PCBP3: variants seen among roughly 807,000 people sequenced by gnomAD.
The protein encoded by PCBP3 is poly(rC) binding protein 3, also known as poly(rC)-binding protein 3.
Under a neutral mutation model 52.7 loss-of-function variants are expected in PCBP3, and 25 were observed. That is an observed-to-expected ratio of 0.47 (90% CI 0.35 to 0.66). PCBP3 has a LOEUF of 0.66. PCBP3 is among the 30% of genes least tolerant of loss of function. PCBP3 has a pLI of 0.01. For missense variants in PCBP3, 391 were observed against 490.3 expected (o/e 0.80, Z 1.91); for synonymous variants, 162 against 183.0 (o/e 0.89, Z 0.93).
rs1265143139 is a variant in PCBP3, at chr21:45,669,799, GTGTGTGTATATATATATATATA to G, written c.-200+849_-200+870del. 5.1e-4 allele frequency among the ~76,000 whole-genome samples: 45 copies of G among 88,214 alleles called. 1 individual carries two copies. Among genetic ancestry groups the G allele is most frequent in the East Asian group, 2.4e-3 (7 of 2,892 alleles). 57.9% of individuals were successfully genotyped at this position (88,214 alleles called of 152,430 possible). ...GAATAATATTCCATTGTGTGTGTGTGTGTGTGTATATATATATATATATATATATATATATATATATATATAT... is the reference window on the plus strand; with the variant it reads ...GAATAATATTCCATTGTGTGTGTGTGTATATATATATATATATATATATAT... On this transcript the variant is annotated intron_variant, in intron 2 of 17. Transcript: ENST00000681687.
intron 4 of PCBP3, chr21:45,762,888 T>G (rs1487089352): frequency 6.6e-6 from 1 of 152,246 alleles, no homozygotes; most frequent in East Asian, 1.9e-4. Context: ...GTTCGCCTTG[T>G]AGGTAAGGCC....
At chr21:45,851,351 A>G (rs1487048026) in intron 5 of PCBP3, among the ~76,000 whole-genome samples, 1 of 152,178 alleles carries the variant, frequency 6.6e-6, no homozygotes, top group East Asian at 1.9e-4. Context: ...TGTCTCTACT[A>G]AAATACAAAA....
chr21:45,911,892 T>A (rs1369392657), intron 11 of PCBP3, among the ~76,000 whole-genome samples: 3 of 152,262 alleles, frequency 2.0e-5, no homozygotes, highest in African/African-American at 7.2e-5. Context: ...ATTCTTGTTC[T>A]GAAATCTTCC....
intron 4 of PCBP3, among the ~76,000 whole-genome samples, chr21:45,843,414 C>G (rs551647850): frequency 6.6e-6 from 1 of 152,322 alleles, no homozygotes; most frequent in East Asian, 1.9e-4. Context: ...TGCTTAACTT[C>G]TGAACTTTTC....
intron 2 of PCBP3, among the ~76,000 whole-genome samples, chr21:45,680,726 G>C (rs966779059): frequency 1.3e-5 from 2 of 152,068 alleles, no homozygotes; most frequent in African/African-American, 2.4e-5. Context: ...CCAGCACTAC[G>C]TGGAATATAA....
intron 2 of PCBP3, among the ~76,000 whole-genome samples, chr21:45,719,413 A>G (rs531948520): frequency 6.6e-6 from 1 of 152,260 alleles, no homozygotes; most frequent in South Asian, 2.1e-4. Flanking sequence ...GAGGGTTTTT[A>G]GTGTGTCTTC....
chr21:45,768,052 C>T (rs1261649622), intron 4 of PCBP3, among the ~76,000 whole-genome samples: 1 of 152,278 alleles, frequency 6.6e-6, no homozygotes, highest in Non-Finnish European at 1.5e-5. Flanking sequence ...AGTGTCCTTG[C>T]TGCCACGATG....
In PCBP3 at chr21:45,737,582, A is replaced by G. The variant is rs898801028; in HGVS notation, c.-162+2153A>G. Among the ~76,000 whole-genome samples the G allele has an allele frequency of 6.6e-6, 1 of 152,216 alleles. No homozygotes were observed. The highest frequency in any genetic ancestry group is 2.4e-5 in the African/African-American group (1 of 41,450). Reference sequence around the variant, plus strand: ...TGGGGCGAGCCCGACCATGCAAGCCATGCCCCGGCAGCCAGGCTGAGAGGC... The same window carrying G: ...TGGGGCGAGCCCGACCATGCAAGCCGTGCCCCGGCAGCCAGGCTGAGAGGC... On this transcript the variant is annotated intron_variant, in intron 3 of 17. Transcript: ENST00000681687. This position sits in a 1 kb window ranked among gnomAD's most constrained non-coding sequence, Gnocchi z 4.9.
At chr21:45,767,176 C>G (rs888667881) in intron 4 of PCBP3, among the ~76,000 whole-genome samples, 2 of 152,190 alleles carry the variant, frequency 1.3e-5, no homozygotes, top group Non-Finnish European at 2.9e-5. Flanking sequence ...TCTCACCCCC[C>G]CAAAGTAAAG....
chr21:45,701,212 C>G (rs947802342), intron 2 of PCBP3, among the ~76,000 whole-genome samples: 3 of 152,172 alleles, frequency 2.0e-5, no homozygotes, highest in African/African-American at 7.2e-5. Context: ...CACCTAAAAA[C>G]AAATAAGCAA....
intron 15 of PCBP3, 40 bp downstream of exon 15, chr21:45,930,885 A>C: frequency 1.2e-6 from 2 of 1,610,404 alleles, no homozygotes; most frequent in Non-Finnish European, 1.7e-6. Flanking sequence ...AGGCCAGGGC[A>C]GCAGAGCAGA....
intron 3 of PCBP3, among the ~76,000 whole-genome samples, chr21:45,740,693 GTGTA>G (rs1013820866): frequency 6.6e-5 from 10 of 151,848 alleles, no homozygotes; most frequent in Admixed American, 5.2e-4. Flanking sequence ...ACATGCGTGT[GTGTA>G]TGTGTGTGCA....
At position 45,896,207 on chromosome 21, in the gene PCBP3, G is replaced by T; in HGVS notation, c.11-1G>T. On this transcript the variant is annotated splice_acceptor_variant, in intron 5 of 17. Transcript: ENST00000681687. LOFTEE classifies it high-confidence loss of function. ...GCAGCAGCTGTGCCTTCTCTCTCCAGGTGACGCCTTCTGGGCCCCATCTGT... is the reference window on the plus strand; with the variant it reads ...GCAGCAGCTGTGCCTTCTCTCTCCATGTGACGCCTTCTGGGCCCCATCTGT... 6.4e-7 allele frequency: 1 copy of T among 1,551,452 alleles called. No individual in the cohort carries two copies. Among genetic ancestry groups the T allele is most frequent in the African/African-American group, 1.4e-5 (1 of 73,176 alleles).
intron 4 of PCBP3, among the ~76,000 whole-genome samples, chr21:45,799,247 A>G (rs777908146): frequency 4.6e-5 from 7 of 152,204 alleles, no homozygotes; most frequent in Non-Finnish European, 8.8e-5. Flanking sequence ...ATGCTTGTAC[A>G]CTTTTTTCAA....
At chr21:45,846,187 C>G (rs946514898) in intron 4 of PCBP3, among the ~76,000 whole-genome samples, 1 of 152,144 alleles carries the variant, frequency 6.6e-6, no homozygotes, top group East Asian at 1.9e-4. Context: ...GGTTCCTTAC[C>G]AATTTAGGGA....
intron 2 of PCBP3, among the ~76,000 whole-genome samples, chr21:45,691,903 G>A (rs2082505010): frequency 6.6e-6 from 1 of 152,142 alleles, no homozygotes; most frequent in African/African-American, 2.4e-5. Context: ...GCAAGTTCTG[G>A]AACTGTGCAA....
intron 4 of PCBP3, among the ~76,000 whole-genome samples, chr21:45,832,916 A>G (rs986210019): frequency 3.3e-5 from 5 of 152,212 alleles, no homozygotes; most frequent in South Asian, 4.1e-4. Context: ...AACTTGCCAG[A>G]CAAAACCATC....
intron 9 of PCBP3, among the ~76,000 whole-genome samples, chr21:45,908,656 C>T (rs1010250950): frequency 7.9e-5 from 12 of 151,020 alleles, no homozygotes; most frequent in African/African-American, 2.5e-4. Flanking sequence ...CTGCCTCTGC[C>T]GCGCTGTCTG....
chr21:45,940,678 G>A (rs2077355372), intron 17 of PCBP3, among the ~76,000 whole-genome samples: 1 of 152,056 alleles, frequency 6.6e-6, no homozygotes, highest in African/African-American at 2.4e-5. Flanking sequence ...GAAGCCACCT[G>A]GGTCCCTGTG....
Sources: gnomAD v4.1 joint callset for allele counts (sites outside exome capture counted in the v4.1 genomes callset) on GRCh38, gnomAD v4.1.1 for gene constraint, Gnocchi (gnomAD v3.1) non-coding constraint, MANE v1.5 for transcripts, NCBI Gene and HGNC (gene_info 2026-07-23, HGNC 2026-07-21) for gene names.